The following OLFM3 variants were observed in gnomAD, a reference collection of about 807,000 sequenced individuals.
OLFM3 encodes noelin-3.
In OLFM3, 20 loss-of-function variants were observed where a neutral mutation model predicts 48.6. The ratio of observed to expected loss-of-function variants is 0.41; its 90% confidence interval spans 0.29 to 0.60. OLFM3 has a LOEUF of 0.60. OLFM3 is among the 20% of genes least tolerant of loss of function. OLFM3 has a pLI of 0.28. For missense variants in OLFM3, 437 were observed against 544.3 expected, an observed-to-expected ratio of 0.80 and a Z score of 1.96; for synonymous variants, 222 against 198.1, an observed-to-expected ratio of 1.12 and a Z score of -1.01.
intron 1 of OLFM3, among the ~76,000 whole-genome samples, chr1:101,842,103 T>C (rs998585335): frequency 2.6e-5 from 4 of 152,218 alleles, no homozygotes; most frequent in African/African-American, 9.6e-5. Flanking sequence ...AGCTGTTTTC[T>C]TGCTATTACT....
intron 1 of OLFM3, among the ~76,000 whole-genome samples, chr1:101,959,155 TG>T (rs1660391439): frequency 6.6e-6 from 1 of 152,024 alleles, no homozygotes; most frequent in Non-Finnish European, 1.5e-5. Flanking sequence ...AAACTGCATG[TG>T]AGGCTGCAAT....
chr1:101,850,907 TGAA>T (rs1656197354), intron 1 of OLFM3, among the ~76,000 whole-genome samples: 2 of 149,920 alleles, frequency 1.3e-5, no homozygotes, highest in South Asian at 2.1e-4. Flanking sequence ...AAGAAATTAT[TGAA>T]GAAGGAGGAG....
At chr1:101,932,597 C>A (rs1050288845) in intron 1 of OLFM3, among the ~76,000 whole-genome samples, 2 of 152,080 alleles carry the variant, frequency 1.3e-5, no homozygotes, top group East Asian at 3.9e-4. Flanking sequence ...AGTGAAATCC[C>A]TAACGGCATG....
At chr1:101,962,240 G>A (rs915535340) in intron 1 of OLFM3, among the ~76,000 whole-genome samples, 2 of 152,118 alleles carry the variant, frequency 1.3e-5, no homozygotes, top group African/African-American at 2.4e-5. Context: ...CAATAAACCT[G>A]TATGGAGTGT....
chr1:101,927,860 A>T (rs983826812), intron 1 of OLFM3, among the ~76,000 whole-genome samples: 1 of 151,648 alleles, frequency 6.6e-6, no homozygotes, highest in African/African-American at 2.4e-5. Flanking sequence ...CAGAGAATAT[A>T]TGGTACAGGA....
chr1:101,968,318 G>T (rs1461448216), intron 1 of OLFM3, among the ~76,000 whole-genome samples: 1 of 151,674 alleles, frequency 6.6e-6, no homozygotes, highest in Admixed American at 6.6e-5. Context: ...ACACCATAAA[G>T]AATTATGTTG....
intron 1 of OLFM3, among the ~76,000 whole-genome samples, chr1:101,865,309 G>A (rs1656816245): frequency 6.6e-6 from 1 of 152,094 alleles, no homozygotes; most frequent in Non-Finnish European, 1.5e-5. Context: ...GAATATAATG[G>A]CATTTTTGAT....
intron 1 of OLFM3, among the ~76,000 whole-genome samples, chr1:101,959,745 G>C (rs1021717848): frequency 1.3e-5 from 2 of 152,170 alleles, no homozygotes; most frequent in South Asian, 2.1e-4. Context: ...ATTAATCTAT[G>C]TAAGTTCCTT....
chr1:101,923,148 C>A (rs902686173), intron 1 of OLFM3, among the ~76,000 whole-genome samples: 1 of 152,148 alleles, frequency 6.6e-6, no homozygotes, highest in Non-Finnish European at 1.5e-5. Flanking sequence ...GCAGACAATG[C>A]CCTTTATTTC....
At position 101,945,806 on chromosome 1, in the gene OLFM3, A is replaced by G. The variant is rs61803497; in HGVS notation, c.69+50942T>C. ...ATAGTAAAAGAAATGTGTTATCCCA[A>G]TAAAGTTATTGGGATATAATTGACA... On this transcript the variant is annotated intron_variant, in intron 1 of 5. Coordinates refer to ENST00000370103, the MANE Select transcript of OLFM3 (RefSeq NM_058170.4). Among the ~76,000 whole-genome samples, 3,131 of 152,230 alleles carry G rather than the reference A, an allele frequency of 0.021. 264 individuals are homozygous for G. The East Asian group carries it at 0.28, about 13-fold the overall frequency.
intron 1 of OLFM3, among the ~76,000 whole-genome samples, chr1:101,968,533 G>GAAAAAAAA (rs3082438): frequency 8.4e-6 from 1 of 118,514 alleles, no homozygotes; most frequent in Admixed American, 9.3e-5. Context: ...TTTTTGTTCT[G>GAAAAAAAA]AAAAAAAAAA....
Position 101,804,844 on chromosome 1 carries a change from A to G in OLFM3, c.771T>C (p.Ser257=). ...GGTTGTATGTCCTTGATTCAGCCCC[A>G]CTGACAAAGTCTGCAATTGATTTGT... ...REYKSIADFV[S]GAESRTYNLP... is the part of the protein sequence containing the mutation. The change falls in exon 6 of 6, where the codon AGT becomes AGC. Residue 257 remains serine (S), a synonymous_variant. Transcript: ENST00000370103. This position sits in a 1 kb window ranked among gnomAD's most constrained non-coding sequence, Gnocchi z 4.5. The G allele has an allele frequency of 6.2e-7, 1 of 1,612,466 alleles. No homozygotes were observed. The highest frequency in any genetic ancestry group is 8.5e-7 in the Non-Finnish European group (1 of 1,179,002).
chr1:101,828,034 G>GTCTCTCTCTCTCTCTCTCTC, intron 3 of OLFM3, among the ~76,000 whole-genome samples: 1 of 76,604 alleles, frequency 1.3e-5, no homozygotes, highest in Non-Finnish European at 3.4e-5. Flanking sequence ...CTCTCTCTCT[G>GTCTCTCTCTCTCTCTCTCTC]TCTGTCTGTC....
intron 1 of OLFM3, among the ~76,000 whole-genome samples, chr1:101,919,087 C>T (rs1409369404): frequency 6.6e-6 from 1 of 152,046 alleles, no homozygotes; most frequent in Non-Finnish European, 1.5e-5. Flanking sequence ...TTTGAAAAAT[C>T]TTACTATCAG....
chr1:101,822,501 C>T (rs181457722), intron 4 of OLFM3, among the ~76,000 whole-genome samples: 14 of 152,090 alleles, frequency 9.2e-5, no homozygotes, highest in Admixed American at 7.2e-4. Flanking sequence ...GGGTCTGGAA[C>T]GGTTGGTTTC....
chr1:101,946,457 G>T (rs996907968), intron 1 of OLFM3, among the ~76,000 whole-genome samples: 3 of 152,144 alleles, frequency 2.0e-5, no homozygotes, highest in African/African-American at 7.2e-5. Flanking sequence ...AGGCAAGCAA[G>T]TAAGTACCTA....
chr1:101,813,396 G>A (rs982368520), intron 4 of OLFM3, among the ~76,000 whole-genome samples: 3 of 152,048 alleles, frequency 2.0e-5, no homozygotes, highest in African/African-American at 7.2e-5. Context: ...TGTCAACATA[G>A]AAACAAGCAA....
rs201708966 is a variant in OLFM3 at position 101,806,045 on chromosome 1, C to A, written c.699+31G>T. 8.5e-5 allele frequency: 129 copies of A among 1,514,516 alleles called. 1 individual carries two copies. Among genetic ancestry groups the A allele is most frequent in the South Asian group, 4.7e-4 (42 of 88,680 alleles). 93.8% of individuals were successfully genotyped at this position (1,514,516 alleles called of 1,614,324 possible). On this transcript the variant is annotated intron_variant, in intron 5 of 5. Coordinates refer to ENST00000370103, the MANE Select transcript of OLFM3 (RefSeq NM_058170.4). Reference sequence around the variant, plus strand: ...GAAAAAGTGTAAGCAGAACTTAATTCTAAGCAAAGGTGTTTGTGGGAGAAA... The same window carrying A: ...GAAAAAGTGTAAGCAGAACTTAATTATAAGCAAAGGTGTTTGTGGGAGAAA...
At chr1:101,847,146 T>G (rs1190282006) in intron 1 of OLFM3, 1 of 761,538 alleles carries the variant, frequency 1.3e-6, no homozygotes, top group Non-Finnish European at 1.6e-6. Flanking sequence ...TCGTGGGAAG[T>G]GCCCTGCCCT....
Sources: allele counts gnomAD v4.1 joint callset (sites outside exome capture counted in the v4.1 genomes callset), GRCh38; gene constraint gnomAD v4.1.1; non-coding constraint Gnocchi (gnomAD v3.1); transcripts MANE v1.5; gene names NCBI Gene and HGNC (gene_info 2026-07-23, HGNC 2026-07-21).